DPP10: variants seen among roughly 807,000 people sequenced by gnomAD.
The protein encoded by DPP10 is dipeptidyl peptidase like 10, also known as inactive dipeptidyl peptidase 10.
Under a neutral mutation model 120.9 loss-of-function variants are expected in DPP10, and 33 were observed. That is an observed-to-expected ratio of 0.27 (90% CI 0.21 to 0.37). The LOEUF is 0.37. DPP10 is among the 10% of genes least tolerant of loss of function. DPP10 has a pLI of 1.00. For missense variants in DPP10, 816 were observed against 942.8 expected, an observed-to-expected ratio of 0.87 and a Z score of 1.76; for synonymous variants, 337 against 326.1, an observed-to-expected ratio of 1.03 and a Z score of -0.36.
chr2:115,824,199 C>A (rs909717823), intron 21 of DPP10, among the ~76,000 whole-genome samples: 1 of 151,876 alleles, frequency 6.6e-6, no homozygotes, highest in Non-Finnish European at 1.5e-5. Context: ...ATGTTTTTGT[C>A]GTGTGTATAA....
At chr2:114,660,962 G>A (rs1255176284) in intron 1 of DPP10, among the ~76,000 whole-genome samples, 1 of 152,064 alleles carries the variant, frequency 6.6e-6, no homozygotes, top group Non-Finnish European at 1.5e-5. Context: ...ATATTTAAAG[G>A]TGAACAATAA....
At chr2:114,905,594 C>T (rs1441400298) in intron 1 of DPP10, among the ~76,000 whole-genome samples, 1 of 152,018 alleles carries the variant, frequency 6.6e-6, no homozygotes, top group East Asian at 1.9e-4. Context: ...TAGCCTAGTA[C>T]CCTTTAGTCA....
At chr2:115,605,795 G>T (rs995512066) in intron 5 of DPP10, among the ~76,000 whole-genome samples, 1 of 152,018 alleles carries the variant, frequency 6.6e-6, no homozygotes, top group African/African-American at 2.4e-5. Flanking sequence ...CACCTAGTAT[G>T]TGAGAGGATC....
chr2:114,957,113 G>A (rs575788854), intron 1 of DPP10, among the ~76,000 whole-genome samples: 38 of 151,698 alleles, frequency 2.5e-4, no homozygotes, highest in Admixed American at 2.0e-3. Flanking sequence ...CTTCTGCATG[G>A]CAAAGGAAAT....
rs916008977 is a variant in DPP10, at chr2:115,259,297, C to T, written c.61-49942C>T. On this transcript the variant is annotated intron_variant, in intron 1 of 25. Coordinates refer to ENST00000410059, the MANE Select transcript of DPP10 (RefSeq NM_020868.6). ...GGGAGTTCGAGACCACCCTGACCAACATGGAGAAACCCCATCTCTACTAAA... is the reference window on the plus strand; with the variant it reads ...GGGAGTTCGAGACCACCCTGACCAATATGGAGAAACCCCATCTCTACTAAA... 1.3e-5 allele frequency among the ~76,000 whole-genome samples: 2 copies of T among 152,084 alleles called. 1 individual carries two copies. The highest frequency in any genetic ancestry group is 4.8e-5 in the African/African-American group (2 of 41,406).
At chr2:115,279,398 TTACCACTCAAAATGCC>T (rs2060048828) in intron 1 of DPP10, among the ~76,000 whole-genome samples, 1 of 152,126 alleles carries the variant, frequency 6.6e-6, no homozygotes. Context: ...GCTTAAAATG[TTACCACTCAAAATGCC>T]TAGCATGAAT....
chr2:115,340,130 A>G (rs2063372210), intron 2 of DPP10, among the ~76,000 whole-genome samples: 1 of 152,202 alleles, frequency 6.6e-6, no homozygotes, highest in South Asian at 2.1e-4. Flanking sequence ...CATACATAGT[A>G]TAATTAGTTG....
chr2:115,307,713 A>G (rs2061416617), intron 1 of DPP10, among the ~76,000 whole-genome samples: 1 of 152,104 alleles, frequency 6.6e-6, no homozygotes, highest in Non-Finnish European at 1.5e-5. Flanking sequence ...ATCACAGCAC[A>G]CACATTCTAA....
At chr2:114,940,585 A>C (rs1174376947) in intron 1 of DPP10, among the ~76,000 whole-genome samples, 1 of 152,056 alleles carries the variant, frequency 6.6e-6, no homozygotes, top group Non-Finnish European at 1.5e-5. Flanking sequence ...GTGTTTTAAT[A>C]AGATTCTTGC....
At chr2:115,540,628 G>T (rs954416529) in intron 5 of DPP10, among the ~76,000 whole-genome samples, 3 of 151,794 alleles carry the variant, frequency 2.0e-5, no homozygotes, top group African/African-American at 4.8e-5. Context: ...GCATAATTTT[G>T]CACCTTAAAC....
rs1315406220 is a variant in DPP10, at chr2:115,844,132, A to AT, written c.*1793dup. On this transcript the variant is annotated 3_prime_UTR_variant, in exon 26 of 26. Coordinates refer to ENST00000410059, the MANE Select transcript of DPP10 (RefSeq NM_020868.6). ...GGTCTTTTTCAAGAATAGTGAACAC[A>AT]TTTTTTAACAAAATAAGTTGTAATT... 3 of 152,570 alleles carry AT rather than the reference A, an allele frequency of 2.0e-5. No individual in the cohort carries two copies. The highest frequency in any genetic ancestry group is 7.2e-5 in the African/African-American group (3 of 41,436). The allele number at this position is 152,570 out of a possible 1,614,324, so 9.5% of individuals were successfully genotyped here.
chr2:115,079,845 A>G (rs1559068992), intron 1 of DPP10, among the ~76,000 whole-genome samples: 1 of 152,198 alleles, frequency 6.6e-6, no homozygotes, highest in Admixed American at 6.5e-5. Context: ...GCGTTATCAG[A>G]TTGATTTTCC....
chr2:114,882,857 A>T (rs1049748391), intron 1 of DPP10, among the ~76,000 whole-genome samples: 3 of 152,130 alleles, frequency 2.0e-5, no homozygotes, highest in African/African-American at 7.2e-5. Flanking sequence ...AAGAAAGGAG[A>T]AAAAAACAAA....
chr2:115,835,637 T>G (rs1440099657), intron 21 of DPP10, among the ~76,000 whole-genome samples: 1 of 152,168 alleles, frequency 6.6e-6, no homozygotes, highest in East Asian at 1.9e-4. Context: ...ATAGTCTGAG[T>G]GCAGCCTTAT....
intron 1 of DPP10, among the ~76,000 whole-genome samples, chr2:114,500,562 G>A (rs543080987): frequency 2.0e-5 from 3 of 152,230 alleles, no homozygotes; most frequent in African/African-American, 4.8e-5. Context: ...TCAGCCTAAC[G>A]GCAGTAAAAA....
chr2:114,578,282 T>C (rs1162754672), intron 1 of DPP10, among the ~76,000 whole-genome samples: 2 of 152,202 alleles, frequency 1.3e-5, no homozygotes, highest in Non-Finnish European at 2.9e-5. Flanking sequence ...TAAAATGAAA[T>C]ACCATATGTG....
chr2:115,701,700 T>TA (rs2091895523), intron 7 of DPP10, among the ~76,000 whole-genome samples: 1 of 152,042 alleles, frequency 6.6e-6, no homozygotes, highest in African/African-American at 2.4e-5. Context: ...ATCACTTATC[T>TA]AAGAAGAGGT....
At chr2:115,354,486 A>G (rs983962295) in intron 3 of DPP10, among the ~76,000 whole-genome samples, 1 of 151,970 alleles carries the variant, frequency 6.6e-6, no homozygotes, top group African/African-American at 2.4e-5. Flanking sequence ...GCATAGGATA[A>G]TGTCTCAAAA....
intron 1 of DPP10, among the ~76,000 whole-genome samples, chr2:115,224,018 G>T (rs2057311710): frequency 6.6e-6 from 1 of 151,992 alleles, no homozygotes; most frequent in Non-Finnish European, 1.5e-5. Context: ...CCCCTTCTAG[G>T]CATTGGACAC....
Sources: gnomAD v4.1 joint callset for allele counts (sites outside exome capture counted in the v4.1 genomes callset) on GRCh38, gnomAD v4.1.1 for gene constraint, MANE v1.5 for transcripts, NCBI Gene and HGNC (gene_info 2026-07-23, HGNC 2026-07-21) for gene names.